PCDHGC5: variants seen among roughly 807,000 people sequenced by gnomAD.
The protein encoded by PCDHGC5 is protocadherin gamma-C5.
A neutral mutation model predicts 59.0 loss-of-function variants in PCDHGC5; 25 were observed. The ratio of observed to expected loss-of-function variants is 0.42; its 90% confidence interval spans 0.31 to 0.59. The LOEUF (loss-of-function observed/expected upper bound fraction) is 0.59, where lower values mean the gene tolerates loss of function less well. Among genes scored for constraint, PCDHGC5 ranks in the 20% least tolerant of loss-of-function variants. The pLI is 0.13. For missense variants in PCDHGC5, 1,067 were observed against 1,206.4 expected, an observed-to-expected ratio of 0.88 and a Z score of 1.71; for synonymous variants, 434 against 505.5, an observed-to-expected ratio of 0.86 and a Z score of 1.90.
At position 141,511,256 on chromosome 5, in the gene PCDHGC5, T is replaced by C. The variant is rs1003866304; in HGVS notation, c.*83T>C. On this transcript the variant is annotated 3_prime_UTR_variant, in exon 4 of 4. Transcript: ENST00000252087. ...CTTACCTGCACCCAGGCCTCAGAGT[T>C]TCAGGGCTAACCCCCAGAATACTGG... The C allele has an allele frequency of 1.9e-6, 3 of 1,563,388 alleles. No homozygotes were observed. The highest frequency in any genetic ancestry group is 2.7e-5 in the African/African-American group (2 of 73,508).
chr5:141,503,781 G>A (rs1393561411), intron 2 of PCDHGC5, among the ~76,000 whole-genome samples: 1 of 152,110 alleles, frequency 6.6e-6, no homozygotes, highest in East Asian at 1.9e-4. Flanking sequence ...TTCTTAGGCT[G>A]AGTTCATCTA....
intron 2 of PCDHGC5, among the ~76,000 whole-genome samples, chr5:141,502,866 C>CTTTTTT (rs549047197): frequency 2.0e-4 from 26 of 128,026 alleles, no homozygotes; most frequent in African/African-American, 6.2e-4. Flanking sequence ...GACTCTCTGT[C>CTTTTTT]TTTTTTTTTT....
chr5:141,500,894 C>G (rs1221911920), intron 2 of PCDHGC5, among the ~76,000 whole-genome samples: 1 of 150,982 alleles, frequency 6.6e-6, no homozygotes, highest in African/African-American at 2.4e-5. Flanking sequence ...TTTTTTGAGA[C>G]AGTCTCGCTC....
intron 2 of PCDHGC5, among the ~76,000 whole-genome samples, chr5:141,503,688 T>A (rs2099828724): frequency 6.6e-6 from 1 of 152,042 alleles, no homozygotes; most frequent in African/African-American, 2.4e-5. Context: ...GGAAGGAGAA[T>A]TGAGATTCCT....
At chr5:141,500,223 T>G (rs1034982746) in intron 2 of PCDHGC5, among the ~76,000 whole-genome samples, 16 of 145,318 alleles carry the variant, frequency 1.1e-4, no homozygotes, top group African/African-American at 3.4e-4. Context: ...TTTATTTATT[T>G]ATTGATACGT....
chr5:141,494,237 G>A (rs555725765), intron 1 of PCDHGC5, among the ~76,000 whole-genome samples: 3 of 152,312 alleles, frequency 2.0e-5, no homozygotes, highest in East Asian at 3.9e-4. Flanking sequence ...AATTAATAAT[G>A]TATTTAGCTG....
intron 2 of PCDHGC5, among the ~76,000 whole-genome samples, chr5:141,501,288 T>TAC (rs1562199973): frequency 3.7e-5 from 3 of 81,228 alleles, no homozygotes; most frequent in South Asian, 4.2e-4. Context: ...GATATTCCCT[T>TAC]ATACACACAC....
rs144222319 is a variant in PCDHGC5, at chr5:141,505,519, C to T, written c.2608+38C>T. ...AGTGTGTGTATGGAAGAGTGGGAGACCTGGGGTTCTGGGGTGCATCTCACA... is the reference window on the plus strand; with the variant it reads ...AGTGTGTGTATGGAAGAGTGGGAGATCTGGGGTTCTGGGGTGCATCTCACA... On this transcript the variant is annotated intron_variant, in intron 3 of 3. Coordinates refer to ENST00000252087, the MANE Select transcript of PCDHGC5 (RefSeq NM_018929.3). The T allele has an allele frequency of 1.5e-3, 2,491 of 1,613,690 alleles. 3 individuals carry two copies. The highest frequency in any genetic ancestry group is 2.6e-3 in the Middle Eastern group (16 of 6,060).
intron 2 of PCDHGC5, among the ~76,000 whole-genome samples, chr5:141,502,239 A>G (rs2099813426): frequency 6.6e-6 from 1 of 152,148 alleles, no homozygotes; most frequent in Admixed American, 6.5e-5. Flanking sequence ...GTGTTCTTTT[A>G]TCCTTTTTTT....
At chr5:141,496,948 G>A (rs2099772844) in intron 2 of PCDHGC5, among the ~76,000 whole-genome samples, 1 of 151,826 alleles carries the variant, frequency 6.6e-6, no homozygotes, top group Admixed American at 6.6e-5. Context: ...CACTTTGGGA[G>A]GCCAAGGTGG....
Position 141,491,713 on chromosome 5 carries a change from G to A in PCDHGC5, c.2460+13G>A. On this transcript the variant is annotated intron_variant, in intron 1 of 3. Transcript: ENST00000252087. This position sits in a 1 kb window ranked among gnomAD's most constrained non-coding sequence, Gnocchi z 6.9. ...GGAGCGGAGCCAGGTGAGGGGCTCG[G>A]CGCCGCCCCGGGCGACCCCTGGGGG... The A allele has an allele frequency of 1.9e-6, 3 of 1,609,174 alleles. No individual in the cohort carries two copies. Among genetic ancestry groups the A allele is most frequent in the Non-Finnish European group, 2.5e-6 (3 of 1,178,054 alleles).
In PCDHGC5 at chr5:141,491,893, G is replaced by C. The variant is rs2099734820; in HGVS notation, c.2460+193G>C. The C allele has an allele frequency of 6.9e-7, 1 of 1,438,856 alleles. No individual in the cohort carries two copies. The highest frequency in any genetic ancestry group is 9.2e-7 in the Non-Finnish European group (1 of 1,088,104). 89.1% of individuals were successfully genotyped at this position (1,438,856 alleles called of 1,614,324 possible). A position where few individuals can be genotyped will look rare whatever the true frequency, so the allele number is the denominator to read the frequency against. ...GGCCGATTAAGGGATGGGGCTCCGA[G>C]CACCGGGGGTGGTGGCGACTGTGGG... On this transcript the variant is annotated intron_variant, in intron 1 of 3. Coordinates refer to ENST00000252087, the MANE Select transcript of PCDHGC5 (RefSeq NM_018929.3). The surrounding 1 kb of genome is among the most constrained non-coding windows in gnomAD (Gnocchi z 6.9).
At position 141,491,794 on chromosome 5, in the gene PCDHGC5, TC is replaced by T; in HGVS notation, c.2460+96del. On this transcript the variant is annotated intron_variant, in intron 1 of 3. Transcript: ENST00000252087. This position sits in a 1 kb window ranked among gnomAD's most constrained non-coding sequence, Gnocchi z 6.9. ...GGGATTGAACTTGCATCCACTCCTC[TC>T]CGGCCGGCTTGGTCGCTGGCTGCGC... is the stretch of plus-strand genomic sequence containing the variant. The T allele has an allele frequency of 6.6e-7, 1 of 1,511,056 alleles. No individual in the cohort carries two copies. The highest frequency in any genetic ancestry group is 8.8e-7 in the Non-Finnish European group (1 of 1,130,146). The allele number at this position is 1,511,056 out of a possible 1,614,324, so 93.6% of individuals were successfully genotyped here.
intron 1 of PCDHGC5, 33 bp from the exon 2 acceptor site, chr5:141,494,774 T>C (rs1462930792): frequency 6.2e-7 from 1 of 1,613,860 alleles, no homozygotes; most frequent in African/African-American, 1.3e-5. Flanking sequence ...TTCTCACGGG[T>C]ACTCAGCCCC....
In PCDHGC5 at chr5:141,490,540, C is replaced by T; in HGVS notation, c.1300C>T (p.Leu434=). The T allele has an allele frequency of 6.2e-7, 1 of 1,614,148 alleles. No homozygotes were observed. Among genetic ancestry groups the T allele is most frequent in the Non-Finnish European group, 8.5e-7 (1 of 1,180,024 alleles). ...LLASDAGSPS[L]HKHLTIRLNI... is the part of the protein sequence containing the mutation. ...GGCCAGCGATGCTGGTTCACCTTCC[C>T]TACACAAACATCTCACCATCAGGCT... The change falls in exon 1 of 4, where the codon CTA becomes TTA. Residue 434 remains leucine (L), a synonymous_variant. Coordinates refer to ENST00000252087, the MANE Select transcript of PCDHGC5 (RefSeq NM_018929.3). This position sits in a 1 kb window ranked among gnomAD's most constrained non-coding sequence, Gnocchi z 5.4.
intron 2 of PCDHGC5, among the ~76,000 whole-genome samples, chr5:141,496,748 C>T (rs1382244657): frequency 6.6e-6 from 1 of 152,130 alleles, no homozygotes; most frequent in African/African-American, 2.4e-5. Flanking sequence ...ATTTATTCAA[C>T]AAATATTTAT....
intron 3 of PCDHGC5, among the ~76,000 whole-genome samples, chr5:141,509,345 G>A (rs1203328830): frequency 6.6e-6 from 1 of 152,196 alleles, no homozygotes; most frequent in Non-Finnish European, 1.5e-5. Flanking sequence ...GGCCTGGGCT[G>A]GCCTGGGCAT....
intron 1 of PCDHGC5, among the ~76,000 whole-genome samples, chr5:141,492,854 G>A (rs1361942466): frequency 6.6e-6 from 1 of 152,212 alleles, no homozygotes; most frequent in Non-Finnish European, 1.5e-5. Flanking sequence ...AAAGCCTCGA[G>A]CGCCCTGGCT....
Position 141,490,066 on chromosome 5 carries a change from C to G in PCDHGC5, c.826C>G (p.Gln276Glu). ...TGATCCAGACGAGGGCACCAACGGC[C>G]AACTAGACTATTCTTTTGGAGACCA... ...ATDPDEGTNG[Q>E]LDYSFGDHTS... The change falls in exon 1 of 4, where the codon CAA becomes GAA. Residue 276 changes from glutamine (Q) to glutamate (E), a missense_variant. Gln to Glu is a conservative substitution (Grantham distance 29). Coordinates refer to ENST00000252087, the MANE Select transcript of PCDHGC5 (RefSeq NM_018929.3). The surrounding 1 kb of genome is among the most constrained non-coding windows in gnomAD (Gnocchi z 5.4). The G allele has an allele frequency of 1.2e-6, 2 of 1,614,248 alleles. No individual in the cohort carries two copies. Among genetic ancestry groups the G allele is most frequent in the Non-Finnish European group, 1.7e-6 (2 of 1,180,034 alleles).
Sources: allele counts gnomAD v4.1 joint callset (sites outside exome capture counted in the v4.1 genomes callset), GRCh38; gene constraint gnomAD v4.1.1; non-coding constraint Gnocchi (gnomAD v3.1); transcripts MANE v1.5; gene names NCBI Gene and HGNC (gene_info 2026-07-23, HGNC 2026-07-21).